CEP41: variants seen among roughly 807,000 people sequenced by gnomAD.
The protein encoded by CEP41 is centrosomal protein 41, also known as centrosomal protein of 41 kDa.
A neutral mutation model predicts 44.3 loss-of-function variants in CEP41; 32 were observed. That is an observed-to-expected ratio of 0.72 (90% CI 0.54 to 0.97). The LOEUF is 0.97. Ranked by LOEUF, CEP41 falls within the 50% of genes least tolerant of loss-of-function variation. The pLI is 0.00. For missense variants in CEP41, 432 were observed against 455.2 expected, an observed-to-expected ratio of 0.95 and a Z score of 0.46; for synonymous variants, 151 against 168.5, an observed-to-expected ratio of 0.90 and a Z score of 0.80.
At chr7:130,440,814 C>CCCCCA in intron 1 of CEP41, 120 bp downstream of exon 1, 2 of 814,728 alleles carry the variant, frequency 2.5e-6, no homozygotes, top group Non-Finnish European at 4.0e-6. Context: ...GACCCCTCCT[C>CCCCCA]ACGCCGGCCC....
intron 1 of CEP41, among the ~76,000 whole-genome samples, chr7:130,440,122 C>A (rs1206460925): frequency 2.0e-5 from 3 of 152,166 alleles, no homozygotes; most frequent in Admixed American, 1.3e-4. Flanking sequence ...TGGGTTCAAG[C>A]GATTCTCCTG....
intron 2 of CEP41, chr7:130,421,858 A>G: frequency 2.0e-6 from 3 of 1,475,324 alleles, no homozygotes; most frequent in Non-Finnish European, 2.7e-6. Flanking sequence ...GCAGTGCTGC[A>G]AAACAGAAAC....
At chr7:130,441,398 C>T (rs1016054854), upstream of CEP41, among the ~76,000 whole-genome samples, 17 of 152,144 alleles carry the variant, frequency 1.1e-4, no homozygotes, top group African/African-American at 4.1e-4. Flanking sequence ...GTTTTATGGC[C>T]GTTTCAACCA....
At position 130,394,884 on chromosome 7, in the gene CEP41, G is replaced by A. The variant is rs782719854; in HGVS notation, c.*4007C>T. The A allele has an allele frequency of 7.9e-5, 36 of 453,972 alleles. No homozygotes were observed. Among genetic ancestry groups the A allele is most frequent in the Non-Finnish European group, 1.0e-4 (23 of 226,804 alleles). The allele number at this position is 453,972 out of a possible 1,614,324, so 28.1% of individuals were successfully genotyped here. A position where few individuals can be genotyped will look rare whatever the true frequency, so the allele number is the denominator to read the frequency against. ...ATCCTTTAAAAGATGCAGCCCATCC[G>A]TCCACAGCATTTGAGAAGTGGCCTC... On this transcript the variant is annotated 3_prime_UTR_variant, in exon 11 of 11. Coordinates refer to ENST00000223208, the MANE Select transcript of CEP41 (RefSeq NM_018718.3).
At position 130,394,917 on chromosome 7, in the gene CEP41, C is replaced by T. The variant is rs1203691120; in HGVS notation, c.*3974G>A. 1 of 454,092 alleles carries T rather than the reference C, an allele frequency of 2.2e-6. No individual in the cohort carries two copies. The highest frequency in any genetic ancestry group is 2.3e-5 in the Admixed American group (1 of 42,572). The allele number at this position is 454,092 out of a possible 1,614,324, so 28.1% of individuals were successfully genotyped here. On this transcript the variant is annotated 3_prime_UTR_variant, in exon 11 of 11. Coordinates refer to ENST00000223208, the MANE Select transcript of CEP41 (RefSeq NM_018718.3). Reference sequence around the variant, plus strand: ...CATTTGAGAAGTGGCCTCTCTTTGCCTCACATTTTACCAGGTGCTTCAGGA... The same window carrying T: ...CATTTGAGAAGTGGCCTCTCTTTGCTTCACATTTTACCAGGTGCTTCAGGA...
chr7:130,438,112 G>A (rs182153280), intron 1 of CEP41, among the ~76,000 whole-genome samples: 3 of 152,118 alleles, frequency 2.0e-5, no homozygotes, highest in Admixed American at 2.0e-4. Context: ...CACTCATGGC[G>A]CCAGCACCAA....
At position 130,394,259 on chromosome 7, in the gene CEP41, G is replaced by A. The variant is rs1174215452; in HGVS notation, c.*4632C>T. 2.2e-6 allele frequency: 1 copy of A among 454,068 alleles called. No individual in the cohort carries two copies. Among genetic ancestry groups the A allele is most frequent in the Non-Finnish European group, 4.4e-6 (1 of 226,792 alleles). The allele number at this position is 454,068 out of a possible 1,614,324, so 28.1% of individuals were successfully genotyped here. A position where few individuals can be genotyped will look rare whatever the true frequency, so the allele number is the denominator to read the frequency against. On this transcript the variant is annotated 3_prime_UTR_variant, in exon 11 of 11. Transcript: ENST00000223208. ...TCCTGGCTTTTCAAACCCTTGGTCA[G>A]AGACTGAAGGCAAACCTGAGTCACT...
chr7:130,410,763 CAT>C (rs1300445996), intron 5 of CEP41: 54 of 343,158 alleles, frequency 1.6e-4, no homozygotes, highest in Admixed American at 4.9e-4. Context: ...CACATGCACA[CAT>C]GTGACTGTCA....
intron 5 of CEP41, among the ~76,000 whole-genome samples, chr7:130,407,767 A>C (rs782307910): frequency 6.6e-6 from 1 of 152,198 alleles, no homozygotes; most frequent in African/African-American, 2.4e-5. Flanking sequence ...CCAACACTGA[A>C]TTTTATGAGT....
chr7:130,419,459 T>C (rs1797434209), intron 2 of CEP41: 2 of 984,988 alleles, frequency 2.0e-6, no homozygotes, highest in Admixed American at 6.1e-5. Flanking sequence ...CATCTGAAGA[T>C]AGTTTCTGAC....
chr7:130,441,342 A>C, upstream of CEP41: 1 of 407,396 alleles, frequency 2.5e-6, no homozygotes, highest in Non-Finnish European at 4.6e-6. Flanking sequence ...GTTTTAGCTA[A>C]TGTGGAACCA....
rs1797497193 is a variant in CEP41, at chr7:130,421,166, T to C, written c.98-4200A>G. ...CAAACACAGAGTGCAACTGATTCAG[T>C]GAATGAGTCATTCATTAGATTTTTT... is the stretch of plus-strand genomic sequence containing the variant. On this transcript the variant is annotated intron_variant, in intron 2 of 10. Transcript: ENST00000223208. The C allele has an allele frequency of 1.0e-5, 10 of 985,306 alleles. No individual in the cohort carries two copies. The South Asian group carries it at 4.7e-4, about 46-fold the overall frequency. 61.0% of individuals were successfully genotyped at this position (985,306 alleles called of 1,614,324 possible).
chr7:130,400,574 C>T, intron 9 of CEP41, 133 bp downstream of exon 9: 1 of 724,014 alleles, frequency 1.4e-6, no homozygotes, highest in Non-Finnish European at 2.5e-6. Context: ...TAACTCCTGA[C>T]TCCTTTCAGC....
At chr7:130,436,971 G>A (rs1797985261) in intron 1 of CEP41, among the ~76,000 whole-genome samples, 1 of 152,056 alleles carries the variant, frequency 6.6e-6, no homozygotes, top group East Asian at 1.9e-4. Context: ...CCTGGGAGGC[G>A]GAGGTTGTAG....
At position 130,393,823 on chromosome 7, in the gene CEP41, C is replaced by T. The variant is rs148856430; in HGVS notation, c.*5068G>A. On this transcript the variant is annotated 3_prime_UTR_variant, in exon 11 of 11. Transcript: ENST00000223208. Reference sequence around the variant, plus strand: ...TGGCTAGACCTATCAGGAAAACAGCCTACTTTTTTCCCCCTACAATATAAT... The same window carrying T: ...TGGCTAGACCTATCAGGAAAACAGCTTACTTTTTTCCCCCTACAATATAAT... The T allele has an allele frequency of 6.3e-4, 285 of 454,016 alleles. 1 individual carries two copies. The highest frequency in any genetic ancestry group is 5.0e-3 in the African/African-American group (252 of 50,092). The allele number at this position is 454,016 out of a possible 1,614,324, so 28.1% of individuals were successfully genotyped here. A position where few individuals can be genotyped will look rare whatever the true frequency, so the allele number is the denominator to read the frequency against.
chr7:130,441,253 G>A, upstream of CEP41: 1 of 545,740 alleles, frequency 1.8e-6, no homozygotes, highest in Non-Finnish European at 3.3e-6. Flanking sequence ...GGGAAGAGAG[G>A]CGCGGGGGGA....
chr7:130,406,982 T>TA (rs556801279), intron 5 of CEP41, among the ~76,000 whole-genome samples: 2 of 151,026 alleles, frequency 1.3e-5, no homozygotes, highest in Non-Finnish European at 3.0e-5. Flanking sequence ...AAAAAGTATA[T>TA]AAAAAATATA....
At chr7:130,407,258 ACACACAC>A (rs1562981655) in intron 5 of CEP41, among the ~76,000 whole-genome samples, 59 of 116,498 alleles carry the variant, frequency 5.1e-4, no homozygotes, top group African/African-American at 1.9e-3. Flanking sequence ...GAGTAAACAC[ACACACAC>A]ACACACACAC....
intron 5 of CEP41, among the ~76,000 whole-genome samples, chr7:130,407,440 T>TTTGGAGA (rs1203962738): frequency 2.0e-5 from 3 of 152,068 alleles, no homozygotes; most frequent in African/African-American, 7.2e-5. Context: ...TTAGGGGTGA[T>TTTGGAGA]TTGGAGACCT....
Sources: allele counts gnomAD v4.1 joint callset (sites outside exome capture counted in the v4.1 genomes callset), GRCh38; gene constraint gnomAD v4.1.1; transcripts MANE v1.5; gene names NCBI Gene and HGNC (gene_info 2026-07-23, HGNC 2026-07-21).